The following SLC35F4 variants were observed in gnomAD, a reference collection of about 807,000 sequenced individuals.
SLC35F4 encodes the protein solute carrier family 35 member F4.
In SLC35F4, 24 loss-of-function variants were observed where a neutral mutation model predicts 44.2. The ratio of observed to expected loss-of-function variants is 0.54; its 90% CI spans 0.39 to 0.76. SLC35F4 has a LOEUF of 0.76. Ranked by LOEUF, SLC35F4 falls within the 30% of genes least tolerant of loss-of-function variation. SLC35F4 has a pLI of 0.00. For missense variants in SLC35F4, 562 were observed against 586.1 expected, an observed-to-expected ratio of 0.96 and a Z score of 0.42; for synonymous variants, 238 against 223.6, an observed-to-expected ratio of 1.06 and a Z score of -0.57.
intron 1 of SLC35F4, among the ~76,000 whole-genome samples, chr14:57,896,871 A>G (rs1459164527): frequency 6.6e-6 from 1 of 152,170 alleles, no homozygotes; most frequent in Non-Finnish European, 1.5e-5. Flanking sequence ...CAATCCCAGC[A>G]TGGGATTTGG....
chr14:57,879,145 A>T (rs539993868), intron 1 of SLC35F4, among the ~76,000 whole-genome samples: 1 of 152,006 alleles, frequency 6.6e-6, no homozygotes, highest in African/African-American at 2.4e-5. Flanking sequence ...TGCAGGAAAA[A>T]CTCTAAAGTA....
chr14:57,849,604 AT>A (rs1379094963), intron 1 of SLC35F4, among the ~76,000 whole-genome samples: 1 of 152,236 alleles, frequency 6.6e-6, no homozygotes, highest in East Asian at 1.9e-4. Context: ...AAAATGCTAT[AT>A]TTTTAAGAGA....
chr14:57,729,333 A>T (rs933053385), intron 1 of SLC35F4, among the ~76,000 whole-genome samples: 25 of 152,130 alleles, frequency 1.6e-4, no homozygotes, highest in Admixed American at 6.6e-5. Flanking sequence ...TAGCCACAAG[A>T]GCTGGAAATG....
At chr14:57,715,329 C>G (rs947517941) in intron 1 of SLC35F4, among the ~76,000 whole-genome samples, 1 of 152,178 alleles carries the variant, frequency 6.6e-6, no homozygotes, top group Admixed American at 6.5e-5. Flanking sequence ...TGATAGCTAA[C>G]GTGATCATAC....
intron 1 of SLC35F4, among the ~76,000 whole-genome samples, chr14:57,736,739 G>C (rs990042802): frequency 1.3e-5 from 2 of 152,196 alleles, no homozygotes; most frequent in Admixed American, 6.5e-5. Flanking sequence ...TTGCTCACAG[G>C]CTATGCAGAA....
chr14:57,858,110 G>A (rs943470214), intron 1 of SLC35F4, among the ~76,000 whole-genome samples: 1 of 151,988 alleles, frequency 6.6e-6, no homozygotes, highest in Non-Finnish European at 1.5e-5. Flanking sequence ...ACCATTGTGG[G>A]AGACAGTGTG....
chr14:57,613,632 A>G (rs926239236), intron 1 of SLC35F4, among the ~76,000 whole-genome samples: 1 of 152,226 alleles, frequency 6.6e-6, no homozygotes, highest in African/African-American at 2.4e-5. Flanking sequence ...TATTTTTCCC[A>G]GAAGCTTCTG....
At chr14:57,840,871 T>C (rs1042494074) in intron 1 of SLC35F4, among the ~76,000 whole-genome samples, 1 of 152,184 alleles carries the variant, frequency 6.6e-6, no homozygotes, top group African/African-American at 2.4e-5. Context: ...CCACTGAAAA[T>C]CTGAAGAACC....
chr14:57,724,223 A>G (rs980419340), intron 1 of SLC35F4, among the ~76,000 whole-genome samples: 2 of 152,180 alleles, frequency 1.3e-5, no homozygotes, highest in Non-Finnish European at 2.9e-5. Context: ...CACTTGGGCC[A>G]TTTGACCCAG....
chr14:57,938,305 TA>T (rs1889852865), intron 1 of SLC35F4, among the ~76,000 whole-genome samples: 1 of 151,746 alleles, frequency 6.6e-6, no homozygotes, highest in East Asian at 1.9e-4. Flanking sequence ...ATATAAGAAG[TA>T]GTGTTCAGTC....
chr14:57,866,804 T>C (rs1019263777), upstream of SLC35F4, among the ~76,000 whole-genome samples: 6 of 151,966 alleles, frequency 3.9e-5, no homozygotes, highest in African/African-American at 1.4e-4. Flanking sequence ...GCCTTTCCAT[T>C]AGAGCAGAAC....
At chr14:57,824,780 TA>T (rs1223967764) in intron 1 of SLC35F4, among the ~76,000 whole-genome samples, 1 of 152,156 alleles carries the variant, frequency 6.6e-6, no homozygotes, top group East Asian at 1.9e-4. Context: ...AGGGAGAAAG[TA>T]GTTGATTGTG....
intron 1 of SLC35F4, among the ~76,000 whole-genome samples, chr14:57,689,472 C>T (rs1453180287): frequency 6.6e-6 from 1 of 152,108 alleles, no homozygotes; most frequent in African/African-American, 2.4e-5. Context: ...AACAACAGAG[C>T]AGGAAGAACA....
intron 1 of SLC35F4, among the ~76,000 whole-genome samples, chr14:57,608,379 A>C (rs752029477): frequency 6.6e-6 from 1 of 152,194 alleles, no homozygotes; most frequent in Non-Finnish European, 1.5e-5. Flanking sequence ...AAACTTGGGC[A>C]CACACACTCA....
At chr14:57,708,651 C>T (rs762376413) in intron 1 of SLC35F4, among the ~76,000 whole-genome samples, 14 of 152,114 alleles carry the variant, frequency 9.2e-5, no homozygotes, top group African/African-American at 1.2e-4. Context: ...TCCCCATGTG[C>T]GGAGACGAGA....
intron 1 of SLC35F4, among the ~76,000 whole-genome samples, chr14:57,900,843 TA>T (rs1442475900): frequency 1.3e-5 from 2 of 151,718 alleles, no homozygotes; most frequent in East Asian, 1.9e-4. Context: ...AAAAACCCAT[TA>T]AAAAATGCAC....
At chr14:57,642,392 T>C (rs748276969) in intron 1 of SLC35F4, among the ~76,000 whole-genome samples, 1 of 152,050 alleles carries the variant, frequency 6.6e-6, no homozygotes, top group Non-Finnish European at 1.5e-5. Context: ...CACAACATTA[T>C]AGTTATTGGA....
chr14:57,622,628 A>G lies in SLC35F4; in HGVS notation c.104-28504T>C, dbSNP rs1342923103. Reference sequence around the variant, plus strand: ...GGTGGGAATTGAACAATGAGAACACATGGACACAGGAAGGGGAACATCACA... The same window carrying G: ...GGTGGGAATTGAACAATGAGAACACGTGGACACAGGAAGGGGAACATCACA... On this transcript the variant is annotated intron_variant, in intron 1 of 7. Transcript: ENST00000556826. Among the ~76,000 whole-genome samples, 3 of 143,226 alleles carry G rather than the reference A, an allele frequency of 2.1e-5. No homozygotes were observed. The East Asian group carries it at 6.0e-4, about 28-fold the overall frequency. 94.0% of individuals were successfully genotyped at this position (143,226 alleles called of 152,430 possible).
intron 1 of SLC35F4, among the ~76,000 whole-genome samples, chr14:57,701,644 T>A (rs2075544763): frequency 6.6e-6 from 1 of 152,232 alleles, no homozygotes. Context: ...ACGGGACCAC[T>A]GTTGCGTATG....
Sources: gnomAD v4.1 joint callset for allele counts (sites outside exome capture counted in the v4.1 genomes callset) on GRCh38, gnomAD v4.1.1 for gene constraint, MANE v1.5 for transcripts, NCBI Gene and HGNC (gene_info 2026-07-23, HGNC 2026-07-21) for gene names.